Variants in SLC24A4 observed in about 807,000 individuals in gnomAD.
SLC24A4 encodes the protein sodium/potassium/calcium exchanger 4.
Under a neutral mutation model 79.0 loss-of-function variants are expected in SLC24A4, and 53 were observed. That is an observed-to-expected ratio of 0.67 (90% CI 0.54 to 0.84). The LOEUF is 0.84. Ranked by LOEUF, SLC24A4 falls within the 40% of genes least tolerant of loss-of-function variation. The pLI is 0.00. For synonymous variants in SLC24A4, 323 were observed against 323.8 expected (o/e 1.00, Z 0.03); for missense variants, 731 against 822.0 (o/e 0.89, Z 1.35).
intron 12 of SLC24A4, among the ~76,000 whole-genome samples, chr14:92,473,280 G>A (rs968587049): frequency 2.0e-5 from 3 of 152,228 alleles, no homozygotes; most frequent in Admixed American, 1.3e-4. Flanking sequence ...AAATCTGTGT[G>A]TGAACAAGCC....
rs898664574 is a variant in SLC24A4, at chr14:92,501,140, A to G, written c.*7512A>G. On this transcript the variant is annotated 3_prime_UTR_variant, in exon 17 of 17. Transcript: ENST00000532405. Reference sequence around the variant, plus strand: ...ATCGTTCTGGCACGCTGAGCTGAACACCACCATCTTTGTTCATTCTCTCTC... The same window carrying G: ...ATCGTTCTGGCACGCTGAGCTGAACGCCACCATCTTTGTTCATTCTCTCTC... 2 of 152,224 alleles carry G rather than the reference A, an allele frequency of 1.3e-5. No individual in the cohort carries two copies. The highest frequency in any genetic ancestry group is 6.5e-5 in the Admixed American group (1 of 15,288). 9.4% of individuals were successfully genotyped at this position (152,224 alleles called of 1,614,324 possible). A position where few individuals can be genotyped will look rare whatever the true frequency, so the allele number is the denominator to read the frequency against.
chr14:92,455,720 C>G (rs1198679846), intron 11 of SLC24A4, among the ~76,000 whole-genome samples: 1 of 148,300 alleles, frequency 6.7e-6, no homozygotes, highest in Non-Finnish European at 1.5e-5. Flanking sequence ...TGTAAGTGTA[C>G]TTTTTTTTTT....
intron 2 of SLC24A4, among the ~76,000 whole-genome samples, chr14:92,336,980 GA>G (rs1289291207): frequency 6.6e-6 from 1 of 152,132 alleles, no homozygotes; most frequent in Non-Finnish European, 1.5e-5. Flanking sequence ...AGGGGAAAGA[GA>G]AAATAAACAC....
intron 2 of SLC24A4, among the ~76,000 whole-genome samples, chr14:92,349,783 T>C (rs1408623382): frequency 6.6e-6 from 1 of 152,190 alleles, no homozygotes; most frequent in Non-Finnish European, 1.5e-5. Flanking sequence ...GCCAGCAGTG[T>C]GGTTCAGTTG....
intron 2 of SLC24A4, among the ~76,000 whole-genome samples, chr14:92,364,056 C>T (rs1432496974): frequency 6.6e-6 from 1 of 152,186 alleles, no homozygotes; most frequent in Non-Finnish European, 1.5e-5. Flanking sequence ...CTTCTGCTCG[C>T]AGGGTACATG....
chr14:92,367,228 C>T (rs1003241062), intron 2 of SLC24A4, among the ~76,000 whole-genome samples: 5 of 152,318 alleles, frequency 3.3e-5, no homozygotes, highest in South Asian at 2.1e-4. Context: ...CTGAGCTCTG[C>T]GCTGTTCGAG....
intron 2 of SLC24A4, among the ~76,000 whole-genome samples, chr14:92,425,877 G>A (rs1188511497): frequency 6.6e-6 from 1 of 152,144 alleles, no homozygotes; most frequent in Non-Finnish European, 1.5e-5. Context: ...AGCTGCTTGG[G>A]AGGATGTGAT....
intron 2 of SLC24A4, among the ~76,000 whole-genome samples, chr14:92,336,155 A>G (rs769334048): frequency 6.6e-6 from 1 of 151,884 alleles, no homozygotes; most frequent in Non-Finnish European, 1.5e-5. Context: ...TTGAACCCTG[A>G]GGAACGTTCC....
At chr14:92,325,209 G>A (rs1885058434) in intron 1 of SLC24A4, among the ~76,000 whole-genome samples, 1 of 152,208 alleles carries the variant, frequency 6.6e-6, no homozygotes, top group South Asian at 2.1e-4. Context: ...ATACTCTGAA[G>A]GTCTTAAAGT....
intron 2 of SLC24A4, among the ~76,000 whole-genome samples, chr14:92,408,870 G>A (rs966347359): frequency 2.6e-5 from 4 of 152,168 alleles, no homozygotes; most frequent in African/African-American, 7.2e-5. Flanking sequence ...CTCAGTGGTT[G>A]TGGGGAACTT....
At chr14:92,421,862 G>T (rs1191560375) in intron 2 of SLC24A4, among the ~76,000 whole-genome samples, 2 of 151,802 alleles carry the variant, frequency 1.3e-5, no homozygotes, top group Non-Finnish European at 2.9e-5. Flanking sequence ...ATAGCAAATT[G>T]ACTAAAACAT....
chr14:92,335,915 G>A (rs1308542116), intron 2 of SLC24A4, among the ~76,000 whole-genome samples: 1 of 152,182 alleles, frequency 6.6e-6, no homozygotes, highest in Non-Finnish European at 1.5e-5. Flanking sequence ...AACAGAGAAT[G>A]CCCTGTCCAC....
chr14:92,402,160 G>T (rs1439561364), intron 2 of SLC24A4, among the ~76,000 whole-genome samples: 1 of 152,152 alleles, frequency 6.6e-6, no homozygotes, highest in Middle Eastern at 3.2e-3. Context: ...TTTGCTGGAA[G>T]AAGTAAGCCT....
chr14:92,437,500 G>C (rs1892242100), intron 3 of SLC24A4, among the ~76,000 whole-genome samples: 1 of 152,218 alleles, frequency 6.6e-6, no homozygotes, highest in Admixed American at 6.5e-5. Context: ...TTTTAAAACT[G>C]CTGATCTGTT....
intron 2 of SLC24A4, among the ~76,000 whole-genome samples, chr14:92,397,005 A>G (rs1206922423): frequency 6.6e-6 from 1 of 152,172 alleles, no homozygotes; most frequent in Non-Finnish European, 1.5e-5. Context: ...TTTTCTCTTA[A>G]TCTGGCAAGT....
intron 3 of SLC24A4, 70 bp from the exon 4 acceptor site, chr14:92,439,265 G>T: frequency 7.5e-7 from 1 of 1,340,484 alleles, no homozygotes; most frequent in Non-Finnish European, 1.1e-6. Context: ...CTGGTTTGGG[G>T]TGTGGTGGGC....
At chr14:92,479,743 C>G (rs925535550) in intron 12 of SLC24A4, among the ~76,000 whole-genome samples, 1 of 152,136 alleles carries the variant, frequency 6.6e-6, no homozygotes, top group Admixed American at 6.5e-5. Context: ...GAAGTGCTCC[C>G]TACTGTTCTA....
intron 9 of SLC24A4, among the ~76,000 whole-genome samples, chr14:92,448,381 A>ACACACACACACACACACACAC (rs1555371204): frequency 3.1e-5 from 1 of 31,790 alleles, no homozygotes; most frequent in African/African-American, 1.1e-4. Flanking sequence ...CACACACACA[A>ACACACACACACACACACACAC]ATCCCTACTC....
chr14:92,370,999 A>C (rs931151811), intron 2 of SLC24A4, among the ~76,000 whole-genome samples: 1 of 152,212 alleles, frequency 6.6e-6, no homozygotes, highest in East Asian at 1.9e-4. Context: ...ACCTCCAATC[A>C]AGTATTGATA....
Sources: allele counts gnomAD v4.1 joint callset (sites outside exome capture counted in the v4.1 genomes callset), GRCh38; gene constraint gnomAD v4.1.1; transcripts MANE v1.5; gene names NCBI Gene and HGNC (gene_info 2026-07-23, HGNC 2026-07-21).